SEPTIN11: variants seen among roughly 807,000 people sequenced by gnomAD.
SEPTIN11 encodes the protein septin-11.
In SEPTIN11, 25 loss-of-function variants were observed where a neutral mutation model predicts 51.4. The observed-to-expected ratio is 0.49, with a 90% CI of 0.35 to 0.68. SEPTIN11 has a LOEUF of 0.68. SEPTIN11 is among the 30% of genes least tolerant of loss of function. SEPTIN11 has a pLI of 0.00. For missense variants in SEPTIN11, 381 were observed against 520.8 expected (o/e 0.73, Z 2.61); for synonymous variants, 174 against 184.1 (o/e 0.95, Z 0.44).
At chr4:76,982,940 GT>G (rs897143748) in intron 1 of SEPTIN11, among the ~76,000 whole-genome samples, 9 of 150,798 alleles carry the variant, frequency 6.0e-5, no homozygotes, top group African/African-American at 2.2e-4. Context: ...TTTTTTTGTT[GT>G]TTTTTGTTTT....
intron 2 of SEPTIN11, among the ~76,000 whole-genome samples, chr4:76,998,122 A>C (rs1375856021): frequency 5.9e-5 from 9 of 152,176 alleles, no homozygotes; most frequent in African/African-American, 2.2e-4. Context: ...TGTGTAAAGC[A>C]GCCCTATTTG....
At chr4:77,034,094 A>G (rs996447768) in intron 9 of SEPTIN11, among the ~76,000 whole-genome samples, 1 of 152,226 alleles carries the variant, frequency 6.6e-6, no homozygotes, top group African/African-American at 2.4e-5. Flanking sequence ...TTGTATATTT[A>G]TTCTCTGACT....
chr4:76,951,777 A>G lies in SEPTIN11; in HGVS notation c.27+1847A>G, dbSNP rs141140854. Among the ~76,000 whole-genome samples the G allele has an allele frequency of 3.5e-3, 530 of 152,350 alleles. 5 individuals carry two copies. The South Asian group carries it at 0.047, about 14-fold the overall frequency. On this transcript the variant is annotated intron_variant, in intron 1 of 9. Transcript: ENST00000264893. Reference sequence around the variant, plus strand: ...TATATGTCAGTTAAATAGGAACAGTATGTGGATTTAAGGTTTAGTTGTGTG... The same window carrying G: ...TATATGTCAGTTAAATAGGAACAGTGTGTGGATTTAAGGTTTAGTTGTGTG...
chr4:76,998,869 A>C (rs936671515), intron 2 of SEPTIN11, among the ~76,000 whole-genome samples: 1 of 152,092 alleles, frequency 6.6e-6, no homozygotes, highest in African/African-American at 2.4e-5. Context: ...ATTGGCCAGG[A>C]CTTAGTTACA....
At chr4:76,982,928 G>GT (rs370774954) in intron 1 of SEPTIN11, among the ~76,000 whole-genome samples, 256 of 151,124 alleles carry the variant, frequency 1.7e-3, no homozygotes, top group African/African-American at 5.5e-3. Flanking sequence ...ACAGTTGTGT[G>GT]TTTTTTTTGT....
Position 76,969,590 on chromosome 4 carries a change from C to T in SEPTIN11, c.27+19660C>T, listed in dbSNP as rs369197863. On this transcript the variant is annotated intron_variant, in intron 1 of 9. Coordinates refer to ENST00000264893, the MANE Select transcript of SEPTIN11 (RefSeq NM_018243.4). ...AAGGGAATTAATAAATGTATCCATG[C>T]GAATTTTTCTTAAGAAATTAGAAAA... 2.0e-4 allele frequency among the ~76,000 whole-genome samples: 30 copies of T among 152,146 alleles called. 1 individual carries two copies. In the South Asian group the frequency reaches 5.6e-3, roughly 28 times the overall value.
At chr4:76,989,737 A>G (rs1723251196) in intron 1 of SEPTIN11, among the ~76,000 whole-genome samples, 2 of 152,236 alleles carry the variant, frequency 1.3e-5, no homozygotes, top group Non-Finnish European at 2.9e-5. Context: ...TAGATATACA[A>G]ATATTTACCA....
chr4:76,958,178 G>C (rs1372676510), intron 1 of SEPTIN11, among the ~76,000 whole-genome samples: 1 of 152,218 alleles, frequency 6.6e-6, no homozygotes, highest in African/African-American at 2.4e-5. Flanking sequence ...TCAACCCCCG[G>C]TAGGTGTAGA....
At chr4:76,976,594 G>T (rs1383165817) in intron 1 of SEPTIN11, among the ~76,000 whole-genome samples, 1 of 152,124 alleles carries the variant, frequency 6.6e-6, no homozygotes, top group African/African-American at 2.4e-5. Context: ...TGCACTTCTT[G>T]GAAAGGGTAA....
intron 7 of SEPTIN11, among the ~76,000 whole-genome samples, chr4:77,025,069 T>G (rs561901479): frequency 6.6e-6 from 1 of 152,036 alleles, no homozygotes; most frequent in Non-Finnish European, 1.5e-5. Context: ...TTCCTTTGAC[T>G]TCAACAAGCA....
chr4:76,959,253 G>GTTTT, intron 1 of SEPTIN11: 1 of 135,928 alleles, frequency 7.4e-6, no homozygotes, highest in Non-Finnish European at 1.6e-5. Context: ...ACAAGACAAG[G>GTTTT]TTTTTTTTTT....
Position 76,949,773 on chromosome 4 carries a change from A to C in SEPTIN11, c.-131A>C. 1 of 976,148 alleles carries C rather than the reference A, an allele frequency of 1.0e-6. No individual in the cohort carries two copies. The highest frequency in any genetic ancestry group is 1.5e-6 in the Non-Finnish European group (1 of 685,156). The allele number at this position is 976,148 out of a possible 1,614,324, so 60.5% of individuals were successfully genotyped here. On this transcript the variant is annotated 5_prime_UTR_variant, in exon 1 of 10. Transcript: ENST00000264893. ...GGGGGAGCAGATGCCGCTGGCTGCC[A>C]GCGGGACGCCGGCGAGCAGAGCGCA...
chr4:76,999,288 T>C (rs1351326742), intron 2 of SEPTIN11, among the ~76,000 whole-genome samples: 1 of 152,200 alleles, frequency 6.6e-6, no homozygotes, highest in East Asian at 1.9e-4. Flanking sequence ...ATAATATCTT[T>C]ATAAGAAAAA....
intron 5 of SEPTIN11, 84 bp from the exon 6 acceptor site, chr4:77,019,081 G>A (rs1578192705): frequency 7.7e-7 from 1 of 1,304,300 alleles, no homozygotes; most frequent in East Asian, 2.5e-5. Context: ...GAGGCCTGCA[G>A]AAGGAGGGAG....
At chr4:77,018,032 A>T (rs1725418963) in intron 5 of SEPTIN11, among the ~76,000 whole-genome samples, 1 of 152,254 alleles carries the variant, frequency 6.6e-6, no homozygotes, top group Non-Finnish European at 1.5e-5. Context: ...CAAGTATTTT[A>T]AAATTTTCTA....
At chr4:77,032,402 G>A (rs1726716185) in intron 9 of SEPTIN11, among the ~76,000 whole-genome samples, 4 of 152,330 alleles carry the variant, frequency 2.6e-5, no homozygotes, top group South Asian at 2.1e-4. Context: ...AAAACCCTTT[G>A]TAGCTATGCA....
In SEPTIN11 at chr4:76,993,129, G is replaced by A. The variant is rs1039499114; in HGVS notation, c.28-3296G>A. ...GTTGAATTAGTAGGAATAGAAATGT[G>A]GAGGATGTAGTATTGATAAGACTTC... On this transcript the variant is annotated intron_variant, in intron 1 of 9. Coordinates refer to ENST00000264893, the MANE Select transcript of SEPTIN11 (RefSeq NM_018243.4). Among the ~76,000 whole-genome samples the A allele has an allele frequency of 3.9e-5, 6 of 152,272 alleles. No homozygotes were observed. The South Asian group carries it at 1.2e-3, about 32-fold the overall frequency.
chr4:76,999,872 A>G (rs1337884470), intron 2 of SEPTIN11, among the ~76,000 whole-genome samples: 1 of 152,234 alleles, frequency 6.6e-6, no homozygotes, highest in East Asian at 1.9e-4. Context: ...GTTTTGCTAC[A>G]ACACACCTAA....
intron 7 of SEPTIN11, chr4:77,021,195 C>G (rs768687388): frequency 6.5e-6 from 1 of 152,678 alleles, no homozygotes; most frequent in Non-Finnish European, 1.5e-5. Flanking sequence ...AGGAGAATAG[C>G]TTTTAGGAGA....
Sources: allele counts gnomAD v4.1 joint callset (sites outside exome capture counted in the v4.1 genomes callset), GRCh38; gene constraint gnomAD v4.1.1; transcripts MANE v1.5; gene names NCBI Gene and HGNC (gene_info 2026-07-23, HGNC 2026-07-21).